Variants in KAZN observed in about 807,000 individuals in gnomAD.
KAZN encodes kazrin, periplakin interacting protein, also known as kazrin.
KAZN carries 40 observed loss-of-function variants against 87.4 expected under a neutral mutation model. The observed-to-expected ratio is 0.46, with a 90% confidence interval of 0.36 to 0.60. The LOEUF (loss-of-function observed/expected upper bound fraction) is 0.60. Among genes scored for constraint, KAZN ranks in the 20% least tolerant of loss-of-function variants. The pLI is 0.00. For synonymous variants in KAZN, 466 were observed against 458.3 expected (o/e 1.02, Z -0.22); for missense variants, 898 against 1,073.9 (o/e 0.84, Z 2.29).
Position 13,980,426 on chromosome 1 carries a change from A to AAATGG in KAZN, c.91+86671_91+86675dup, listed in dbSNP as rs574145511. On this transcript the variant is annotated intron_variant, in intron 1 of 16. Transcript: ENST00000636203. ...AAACATATTTAAAAAGCTAAAAGTA[A>AAATGG]AATGGTAGAAAAAGATATACCACGA... is the stretch of plus-strand genomic sequence containing the variant. Among the ~76,000 whole-genome samples the AAATGG allele has an allele frequency of 7.5e-4, 115 of 152,320 alleles. No individual in the cohort carries two copies. In the East Asian group the frequency reaches 0.016, roughly 21 times the overall value.
chr1:14,681,137 G>A (rs9787225), intron 1 of KAZN, among the ~76,000 whole-genome samples: 60,295 of 151,968 alleles, frequency 0.4, 13,099 homozygotes, highest in South Asian at 0.51. Flanking sequence ...TGAGGGATCC[G>A]CCCCCATGAT....
chr1:14,299,664 A>T (rs1041073731), intron 2 of KAZN, among the ~76,000 whole-genome samples: 1 of 152,172 alleles, frequency 6.6e-6, no homozygotes, highest in East Asian at 1.9e-4. Context: ...TGGGCTACAG[A>T]TCACACTCAC....
intron 1 of KAZN, among the ~76,000 whole-genome samples, chr1:14,630,822 G>A (rs756704782): frequency 5.3e-5 from 8 of 152,148 alleles, no homozygotes; most frequent in Non-Finnish European, 1.2e-4. Context: ...GGGAAGACAC[G>A]TAACCTCTCT....
chr1:14,869,512 C>T (rs1044365316), intron 1 of KAZN, among the ~76,000 whole-genome samples: 8 of 152,160 alleles, frequency 5.3e-5, no homozygotes, highest in African/African-American at 1.7e-4. Context: ...TATATCTTCA[C>T]CTATGCTAGC....
intron 2 of KAZN, among the ~76,000 whole-genome samples, chr1:14,994,163 G>A (rs961081151): frequency 2.0e-5 from 3 of 152,218 alleles, no homozygotes; most frequent in East Asian, 1.9e-4. Context: ...GAATTGGGTC[G>A]GGCCATGGGG....
chr1:14,206,236 A>G (rs970045022), intron 2 of KAZN, among the ~76,000 whole-genome samples: 4 of 152,214 alleles, frequency 2.6e-5, no homozygotes, highest in African/African-American at 9.6e-5. Context: ...CTAGTCCACA[A>G]AGTCAGCTGA....
In KAZN at chr1:14,417,182, T is replaced by TA. The variant is rs59936555; in HGVS notation, c.250-181788dup. On this transcript the variant is annotated intron_variant, in intron 2 of 16. Transcript: ENST00000636203. ...AACAGAGCCAGACTCTGTCTCAAAATAAAAAAAAAAAAAGGAAAAAACAAA... is the reference window on the plus strand; with the variant it reads ...AACAGAGCCAGACTCTGTCTCAAAATAAAAAAAAAAAAAAGGAAAAAACAAA... Among the ~76,000 whole-genome samples, 173 of 133,270 alleles carry TA rather than the reference T, an allele frequency of 1.3e-3. No individual in the cohort carries two copies. In the East Asian group the frequency reaches 0.017, roughly 13 times the overall value. 87.4% of individuals were successfully genotyped at this position (133,270 alleles called of 152,430 possible).
At chr1:15,095,277 G>A (rs1307172259) in intron 10 of KAZN, among the ~76,000 whole-genome samples, 1 of 152,168 alleles carries the variant, frequency 6.6e-6, no homozygotes, top group Admixed American at 6.5e-5. Context: ...CCGCCATGGT[G>A]TCTGCTCCTG....
intron 1 of KAZN, among the ~76,000 whole-genome samples, chr1:14,108,940 T>G (rs951474084): frequency 6.6e-6 from 1 of 152,164 alleles, no homozygotes; most frequent in African/African-American, 2.4e-5. Flanking sequence ...GCCATAGGAT[T>G]TTAAGATGCT....
chr1:14,409,018 G>A (rs898929148), intron 2 of KAZN, among the ~76,000 whole-genome samples: 1 of 152,164 alleles, frequency 6.6e-6, no homozygotes, highest in Non-Finnish European at 1.5e-5. Flanking sequence ...ATTCCAGGCA[G>A]AGGGAATTTT....
chr1:14,976,144 A>T (rs1285219862), intron 2 of KAZN, among the ~76,000 whole-genome samples: 1 of 148,088 alleles, frequency 6.8e-6, no homozygotes, highest in Non-Finnish European at 1.5e-5. Flanking sequence ...TTGGTTTTGG[A>T]CGTGGCTAAC....
chr1:14,793,446 G>T (rs1248926231), intron 1 of KAZN, among the ~76,000 whole-genome samples: 1 of 152,144 alleles, frequency 6.6e-6, no homozygotes, highest in Non-Finnish European at 1.5e-5. Flanking sequence ...GACCAGCTGG[G>T]TTCAAACCCC....
At chr1:14,703,612 A>G (rs1642047375) in intron 1 of KAZN, among the ~76,000 whole-genome samples, 1 of 152,244 alleles carries the variant, frequency 6.6e-6, no homozygotes, top group Admixed American at 6.5e-5. Flanking sequence ...GCAGCATGAG[A>G]ATGGACTAAT....
At chr1:14,478,249 A>AGAAGGAAG (rs141017159) in intron 2 of KAZN, among the ~76,000 whole-genome samples, 21,225 of 101,324 alleles carry the variant, frequency 0.21, 1,850 homozygotes, top group East Asian at 0.41. Flanking sequence ...AGGAAGGAAA[A>AGAAGGAAG]GAAGGAAGGA....
Position 15,099,551 on chromosome 1 carries a change from G to A in KAZN, c.1548-1992G>A, listed in dbSNP as rs1045026512. ...GGGGCTGGCCGGGGAGGGGAATGGG[G>A]GGTGAAGAGCTCAGTGCCTCCAGGA... On this transcript the variant is annotated intron_variant, in intron 10 of 14. Coordinates refer to ENST00000376030, the MANE Select transcript of KAZN (RefSeq NM_201628.3). The surrounding 1 kb of genome is among the most constrained non-coding windows in gnomAD (Gnocchi z 5.4). Among the ~76,000 whole-genome samples the A allele has an allele frequency of 2.6e-5, 4 of 152,144 alleles. No homozygotes were observed. Among genetic ancestry groups the A allele is most frequent in the Non-Finnish European group, 5.9e-5 (4 of 68,018 alleles).
intron 1 of KAZN, among the ~76,000 whole-genome samples, chr1:14,113,232 G>A (rs1329309033): frequency 6.6e-6 from 1 of 152,150 alleles, no homozygotes; most frequent in Non-Finnish European, 1.5e-5. Flanking sequence ...TCTTTCTCTG[G>A]CATAAAAGCC....
chr1:14,849,513 AG>A (rs1179801262), intron 1 of KAZN, among the ~76,000 whole-genome samples: 6 of 152,194 alleles, frequency 3.9e-5, no homozygotes, highest in African/African-American at 1.2e-4. Context: ...CTAGAATAGC[AG>A]GGCTTATGGG....
In KAZN at chr1:15,100,826, G is replaced by A. The variant is rs115650895; in HGVS notation, c.1548-717G>A. 2.8e-3 allele frequency among the ~76,000 whole-genome samples: 427 copies of A among 152,328 alleles called. 1 individual carries two copies. The highest frequency in any genetic ancestry group is 0.01 in the Middle Eastern group (3 of 294). On this transcript the variant is annotated intron_variant, in intron 10 of 14. Coordinates refer to ENST00000376030, the MANE Select transcript of KAZN (RefSeq NM_201628.3). ...CGAGGACGGCAGCTTTGCCTTCTTC[G>A]CGCATGATTAGGACCTGCCTGGCAC...
At chr1:13,899,253 A>G (rs551113469) in intron 1 of KAZN, among the ~76,000 whole-genome samples, 8 of 152,320 alleles carry the variant, frequency 5.3e-5, no homozygotes, top group Admixed American at 4.6e-4. Context: ...CATTCTTTAC[A>G]TATTACCTTG....
Sources: allele counts gnomAD v4.1 joint callset (sites outside exome capture counted in the v4.1 genomes callset), GRCh38; gene constraint gnomAD v4.1.1; non-coding constraint Gnocchi (gnomAD v3.1); transcripts MANE v1.5; gene names NCBI Gene and HGNC (gene_info 2026-07-23, HGNC 2026-07-21).